CACNA1D: variants seen among roughly 807,000 people sequenced by gnomAD.
CACNA1D encodes the protein calcium voltage-gated channel subunit alpha1 D.
Under a neutral mutation model 257.1 loss-of-function variants are expected in CACNA1D, and 55 were observed. The observed-to-expected ratio is 0.21, with a 90% CI of 0.17 to 0.27. CACNA1D has a LOEUF of 0.27. CACNA1D is among the 10% of genes least tolerant of loss of function. The pLI is 1.00. For synonymous variants in CACNA1D, 980 were observed against 1,014.9 expected, an observed-to-expected ratio of 0.97 and a Z score of 0.65; for missense variants, 1,876 against 2,784.0, an observed-to-expected ratio of 0.67 and a Z score of 7.34.
intron 3 of CACNA1D, among the ~76,000 whole-genome samples, chr3:53,617,536 A>G (rs1366334417): frequency 6.6e-6 from 1 of 152,204 alleles, no homozygotes; most frequent in Non-Finnish European, 1.5e-5. Context: ...TACTTAGCAT[A>G]ATGACTGGCT....
chr3:53,516,722 A>G (rs1360230621), intron 3 of CACNA1D, among the ~76,000 whole-genome samples: 1 of 152,104 alleles, frequency 6.6e-6, no homozygotes, highest in East Asian at 1.9e-4. Context: ...TGGGGCCTGC[A>G]CCTTTTGATT....
chr3:53,645,826 G>A (rs1243449504), intron 3 of CACNA1D, among the ~76,000 whole-genome samples: 2 of 152,174 alleles, frequency 1.3e-5, no homozygotes, highest in Non-Finnish European at 2.9e-5. Flanking sequence ...CAAGCAGAGT[G>A]TAGTCTGATG....
chr3:53,566,270 C>G (rs1459404100), intron 3 of CACNA1D, among the ~76,000 whole-genome samples: 1 of 152,162 alleles, frequency 6.6e-6, no homozygotes, highest in Admixed American at 6.5e-5. Flanking sequence ...TGACATCCCC[C>G]TTCTCTCTGC....
chr3:53,715,766 C>G (rs2094812044), intron 9 of CACNA1D, among the ~76,000 whole-genome samples: 1 of 152,170 alleles, frequency 6.6e-6, no homozygotes, highest in Admixed American at 6.5e-5. Context: ...GCTCAGAGAG[C>G]AGGAGGACCC....
intron 3 of CACNA1D, among the ~76,000 whole-genome samples, chr3:53,616,489 C>T (rs756284430): frequency 3.9e-5 from 6 of 152,228 alleles, no homozygotes; most frequent in Admixed American, 3.3e-4. Context: ...GCCATCCAAA[C>T]AGATGCAGCT....
At chr3:53,788,430 C>G (rs972074221) in intron 40 of CACNA1D, among the ~76,000 whole-genome samples, 2 of 152,270 alleles carry the variant, frequency 1.3e-5, no homozygotes, top group Non-Finnish European at 1.5e-5. Flanking sequence ...GAAGCTTTCT[C>G]ACTTCCAACC....
chr3:53,700,829 G>A (rs969588723), intron 8 of CACNA1D, among the ~76,000 whole-genome samples: 1 of 149,992 alleles, frequency 6.7e-6, no homozygotes, highest in African/African-American at 2.5e-5. Context: ...GCTATGAGAG[G>A]GATCCTTTCT....
At chr3:53,796,326 G>A (rs1368989142) in intron 40 of CACNA1D, 11 of 455,976 alleles carry the variant, frequency 2.4e-5, no homozygotes, top group East Asian at 6.9e-5. Context: ...AAAGCCTGGC[G>A]CTTGTATCCT....
At chr3:53,766,191 GGTATGCTGTTTGGAC>G (rs1451788648) in intron 30 of CACNA1D, 1 of 152,272 alleles carries the variant, frequency 6.6e-6, no homozygotes, top group East Asian at 1.9e-4. Flanking sequence ...TGCCTTTTAA[GGTATGCTGTTTGGAC>G]CAGGTGGCTG....
intron 3 of CACNA1D, among the ~76,000 whole-genome samples, chr3:53,634,144 C>T (rs1196114434): frequency 1.3e-5 from 2 of 152,148 alleles, no homozygotes; most frequent in Non-Finnish European, 2.9e-5. Context: ...CTTTAAAATA[C>T]AGACTACAGA....
intron 27 of CACNA1D, among the ~76,000 whole-genome samples, chr3:53,749,833 C>T (rs1325432253): frequency 1.3e-5 from 2 of 152,218 alleles, no homozygotes. Context: ...GTCTTTAAAG[C>T]CACTTAGGGC....
chr3:53,719,445 C>T (rs112546944), intron 10 of CACNA1D, among the ~76,000 whole-genome samples: 4 of 152,300 alleles, frequency 2.6e-5, no homozygotes, highest in African/African-American at 9.6e-5. Context: ...ATGCTGCTGT[C>T]GAGATGAGTG....
chr3:53,703,905 G>A (rs944237716), intron 9 of CACNA1D, among the ~76,000 whole-genome samples: 3 of 152,200 alleles, frequency 2.0e-5, no homozygotes, highest in East Asian at 3.9e-4. Flanking sequence ...AGGCACCGCC[G>A]ACGAGGGATC....
At chr3:53,509,170 G>A (rs1293306052) in intron 3 of CACNA1D, among the ~76,000 whole-genome samples, 1 of 151,992 alleles carries the variant, frequency 6.6e-6, no homozygotes, top group Non-Finnish European at 1.5e-5. Context: ...AGGGTGTTTG[G>A]CTGGGCAGGC....
At chr3:53,683,335 C>T (rs561407680) in intron 8 of CACNA1D, among the ~76,000 whole-genome samples, 1 of 152,278 alleles carries the variant, frequency 6.6e-6, no homozygotes, top group South Asian at 2.1e-4. Flanking sequence ...TTCAGAAACG[C>T]CAGGCTTTAG....
At chr3:53,705,625 A>G (rs1469264718) in intron 9 of CACNA1D, among the ~76,000 whole-genome samples, 1 of 152,180 alleles carries the variant, frequency 6.6e-6, no homozygotes, top group Non-Finnish European at 1.5e-5. Flanking sequence ...AGTGAGGCTC[A>G]CAGTGCTTCC....
intron 32 of CACNA1D, among the ~76,000 whole-genome samples, chr3:53,772,326 C>T (rs80089365): frequency 0.011 from 1,616 of 152,250 alleles, 41 homozygotes; most frequent in African/African-American, 0.037. Flanking sequence ...CCCAGTAATT[C>T]CACTCCTAAG....
intron 3 of CACNA1D, among the ~76,000 whole-genome samples, chr3:53,602,361 T>C (rs1335413495): frequency 6.6e-6 from 1 of 152,240 alleles, no homozygotes; most frequent in African/African-American, 2.4e-5. Flanking sequence ...CATCCATTGA[T>C]GGGCACTTAA....
intron 39 of CACNA1D, chr3:53,782,264 G>GTGTATATATATATATATATATA (rs6147823): frequency 7.6e-4 from 57 of 75,430 alleles, no homozygotes; most frequent in African/African-American, 1.5e-3. Context: ...GTGTGTGTGT[G>GTGTATATATATATATATATATA]TATATATATA....
Sources: allele counts gnomAD v4.1 joint callset (sites outside exome capture counted in the v4.1 genomes callset), GRCh38; gene constraint gnomAD v4.1.1; transcripts MANE v1.5; gene names NCBI Gene and HGNC (gene_info 2026-07-23, HGNC 2026-07-21).